The following GLIPR1 variants were observed in gnomAD, a reference collection of about 807,000 sequenced individuals.
GLIPR1 encodes GLI pathogenesis related 1.
A neutral mutation model predicts 30.3 loss-of-function variants in GLIPR1; 38 were observed. The observed-to-expected ratio is 1.26, with a 90% CI of 0.97 to 1.65. The LOEUF is 1.65. GLIPR1 is among the 40% of genes most tolerant of loss of function. The pLI is 0.00. For missense variants in GLIPR1, 285 were observed against 326.5 expected, an observed-to-expected ratio of 0.87 and a Z score of 0.98; for synonymous variants, 122 against 110.6, an observed-to-expected ratio of 1.10 and a Z score of -0.65.
At chr12:75,495,922 T>G in intron 4 of GLIPR1, 1 of 270,164 alleles carries the variant, frequency 3.7e-6, no homozygotes, top group Middle Eastern at 1.2e-3. Context: ...AGACTAAGAT[T>G]CCTAAGATTT....
intron 3 of GLIPR1, chr12:75,494,899 A>T (rs1260530534): frequency 6.6e-6 from 1 of 152,208 alleles, no homozygotes; most frequent in Non-Finnish European, 1.5e-5. Context: ...GACAACAGTA[A>T]CTTCCTCATA....
rs916934598 is a variant in GLIPR1 at position 75,500,768 on chromosome 12, C to T, written c.*1790C>T. 7 of 152,092 alleles carry T rather than the reference C, an allele frequency of 4.6e-5. No homozygotes were observed. Among genetic ancestry groups the T allele is most frequent in the African/African-American group, 1.7e-4 (7 of 41,530 alleles). The allele number at this position is 152,092 out of a possible 1,614,324, so 9.4% of individuals were successfully genotyped here. A position where few individuals can be genotyped will look rare whatever the true frequency, so the allele number is the denominator to read the frequency against. The stretch of plus-strand genomic sequence containing the variant: ...ATAAAAGAATCATAAGATAAAACAT[C>T]AAACTACCCAGCAACCTGAGAAGCA... On this transcript the variant is annotated 3_prime_UTR_variant, in exon 6 of 6. Transcript: ENST00000266659.
Position 75,503,668 on chromosome 12 carries a change from G to T in GLIPR1, c.*4690G>T. ...ATGGAACATTTACAGTGGCTACAGG[G>T]TCACAAACCTCCTGGATGCAGTTTA... On this transcript the variant is annotated 3_prime_UTR_variant, in exon 6 of 6. Coordinates refer to ENST00000266659, the MANE Select transcript of GLIPR1 (RefSeq NM_006851.3). 2.9e-6 allele frequency: 1 copy of T among 340,080 alleles called. No homozygotes were observed. The allele number at this position is 340,080 out of a possible 1,614,324, so 21.1% of individuals were successfully genotyped here.
At chr12:75,482,224 A>G (rs926705930) in intron 2 of GLIPR1, 145 bp downstream of exon 2, 1 of 735,664 alleles carries the variant, frequency 1.4e-6, no homozygotes, top group African/African-American at 1.8e-5. Flanking sequence ...AGAACAGAAA[A>G]TAATGCTTGA....
At chr12:75,481,722 G>C (rs1398822498) in intron 1 of GLIPR1, 112 bp from the exon 2 acceptor site, 1 of 884,600 alleles carries the variant, frequency 1.1e-6, no homozygotes, top group African/African-American at 1.7e-5. Flanking sequence ...GGACTCATAT[G>C]CAGTGGTATC....
Position 75,499,638 on chromosome 12 carries a change from A to AAAAAATACAATAAT in GLIPR1, c.*663_*676dup, listed in dbSNP as rs1223158864. On this transcript the variant is annotated 3_prime_UTR_variant, in exon 6 of 6. Transcript: ENST00000266659. Reference sequence around the variant, plus strand: ...TACCACTTTCTCGTATAAATTTTTCAAAAAATACAATAATAATATAATTTA... The same window carrying AAAAAATACAATAAT: ...TACCACTTTCTCGTATAAATTTTTCAAAAAATACAATAATAAAAATACAATAATAATATAATTTA... 3 of 366,096 alleles carry AAAAAATACAATAAT rather than the reference A, an allele frequency of 8.2e-6. No individual in the cohort carries two copies. Among genetic ancestry groups the AAAAAATACAATAAT allele is most frequent in the Non-Finnish European group, 4.7e-6 (1 of 211,932 alleles). 22.7% of individuals were successfully genotyped at this position (366,096 alleles called of 1,614,324 possible). A position where few individuals can be genotyped will look rare whatever the true frequency, so the allele number is the denominator to read the frequency against.
intron 3 of GLIPR1, chr12:75,490,760 C>A: frequency 2.7e-6 from 1 of 363,734 alleles, no homozygotes; most frequent in Non-Finnish European, 5.0e-6. Context: ...TTTATATATA[C>A]TACCTAAATA....
rs1594065285 is a variant in GLIPR1 at position 75,500,098 on chromosome 12, AAAATATAAAAACACTTG to A, written c.*1121_*1137del. On this transcript the variant is annotated 3_prime_UTR_variant, in exon 6 of 6. Transcript: ENST00000266659. ...AATAATTGAAAGGTGATCACAGTATAAAATATAAAAACACTTGCCTAAAGCAGTTAGAAATTTCTTCA... is the reference window on the plus strand; with the variant it reads ...AATAATTGAAAGGTGATCACAGTATACCTAAAGCAGTTAGAAATTTCTTCA... 6 of 559,276 alleles carry A rather than the reference AAAATATAAAAACACTTG, an allele frequency of 1.1e-5. No individual in the cohort carries two copies. The highest frequency in any genetic ancestry group is 1.0e-4 in the East Asian group (3 of 28,876). The allele number at this position is 559,276 out of a possible 1,614,324, so 34.6% of individuals were successfully genotyped here.
intron 2 of GLIPR1, chr12:75,487,637 C>G (rs2046299735): frequency 2.6e-6 from 1 of 377,764 alleles, no homozygotes; most frequent in Non-Finnish European, 5.3e-6. Flanking sequence ...TGCCCATCAT[C>G]TCCCTAGTCA....
chr12:75,495,997 G>GTTTTTTTTTTTTTTTTTTTTTT (rs370713345), intron 4 of GLIPR1: 2 of 132,126 alleles, frequency 1.5e-5, no homozygotes, highest in Non-Finnish European at 3.1e-5. Context: ...TTCTGTTTTC[G>GTTTTTTTTTTTTTTTTTTTTTT]TTTTTTTTTT....
chr12:75,484,244 A>C (rs1286477373), intron 2 of GLIPR1: 1 of 152,200 alleles, frequency 6.6e-6, no homozygotes, highest in Non-Finnish European at 1.5e-5. Context: ...CATCACGGGG[A>C]GAATGTCCAA....
chr12:75,488,894 TAA>T (rs917164246), intron 2 of GLIPR1, among the ~76,000 whole-genome samples: 1 of 152,222 alleles, frequency 6.6e-6, no homozygotes, highest in African/African-American at 2.4e-5. Context: ...GCTTTTTTTC[TAA>T]GTTTTGTGAA....
At position 75,481,938 on chromosome 12, in the gene GLIPR1, C is replaced by T. The variant is rs1354429916; in HGVS notation, c.279C>T (p.Phe93=). ...CACCCCACAAGCTGCACCCAAACTT[C>T]ACTTCACTGGGAGAGAACATCTGGA... is the stretch of plus-strand genomic sequence containing the variant. ...LKPPHKLHPN[F]TSLGENIWTG... is the part of the protein sequence containing the mutation. The change falls in exon 2 of 6, where the codon TTC becomes TTT. Residue 93 remains phenylalanine, a synonymous_variant. Coordinates refer to ENST00000266659, the MANE Select transcript of GLIPR1 (RefSeq NM_006851.3). 2 of 1,614,076 alleles carry T rather than the reference C, an allele frequency of 1.2e-6. No individual in the cohort carries two copies. The highest frequency in any genetic ancestry group is 1.7e-6 in the Non-Finnish European group (2 of 1,180,030).
chr12:75,498,641 T>TCAA, intron 4 of GLIPR1, 53 bp from the exon 5 acceptor site: 1 of 1,437,846 alleles, frequency 7.0e-7, no homozygotes, highest in Non-Finnish European at 9.8e-7. Context: ...AATAAAACTC[T>TCAA]CAACTGTGTC....
intron 2 of GLIPR1, 41 bp from the exon 3 acceptor site, chr12:75,490,365 C>A (rs775840498): frequency 1.8e-6 from 2 of 1,104,228 alleles, no homozygotes; most frequent in South Asian, 1.3e-5. Flanking sequence ...CAATGTTTAT[C>A]TTATGGTTTT....
chr12:75,480,964 C>A lies in GLIPR1; in HGVS notation c.84C>A (p.Ile28=), dbSNP rs775097349. ...ACACAGCAAATATTTTGCCAGATAT[C>A]GAAAATGAAGATTTCATCAAAGACT... ...YSHTANILPD[I]ENEDFIKDCV... The change falls in exon 1 of 6, where the codon ATC becomes ATA. Residue 28 remains isoleucine (I), a synonymous_variant. Coordinates refer to ENST00000266659, the MANE Select transcript of GLIPR1 (RefSeq NM_006851.3). 3.1e-6 allele frequency: 5 copies of A among 1,613,506 alleles called. No homozygotes were observed. The highest frequency in any genetic ancestry group is 4.2e-6 in the Non-Finnish European group (5 of 1,179,552).
intron 1 of GLIPR1, 21 bp from the exon 2 acceptor site, chr12:75,481,813 G>A: frequency 1.2e-6 from 2 of 1,612,274 alleles, no homozygotes; most frequent in Non-Finnish European, 1.7e-6. Context: ...ACCCCCTATT[G>A]TTTAATGTTT....
rs929495777 is a variant in GLIPR1, at chr12:75,498,955, C to T, written c.778C>T (p.Pro260Ser). The change falls in exon 6 of 6, where the codon CCT (proline) becomes TCT (serine). Residue 260 changes from proline to serine, a missense_variant. Physicochemically the swap from Pro to Ser is moderately conservative, Grantham distance 74. Coordinates refer to ENST00000266659, the MANE Select transcript of GLIPR1 (RefSeq NM_006851.3). The stretch of plus-strand genomic sequence containing the variant: ...TACCATTTTGGTACAGCACAAGTAC[C>T]CTAATTTAGTTCTTTTGGACTAATA... ...IITILVQHKY[P>S]NLVLLD 5 of 1,599,550 alleles carry T rather than the reference C, an allele frequency of 3.1e-6. No homozygotes were observed. Among genetic ancestry groups the T allele is most frequent in the African/African-American group, 2.7e-5 (2 of 74,006 alleles).
rs1307364042 is a variant in GLIPR1 at position 75,493,573 on chromosome 12, G to A, written c.534-2004G>A. The A allele has an allele frequency of 2.0e-5, 3 of 152,160 alleles. No individual in the cohort carries two copies. The East Asian group carries it at 5.8e-4, about 29-fold the overall frequency. 9.4% of individuals were successfully genotyped at this position (152,160 alleles called of 1,614,324 possible). A position where few individuals can be genotyped will look rare whatever the true frequency, so the allele number is the denominator to read the frequency against. On this transcript the variant is annotated intron_variant, in intron 3 of 5. Transcript: ENST00000266659. ...AGGAAATAACTTTGACCACAAGATA[G>A]TCAAGATAGTACCAGTGTGCTTAGG...
Sources: gnomAD v4.1 joint callset for allele counts (sites outside exome capture counted in the v4.1 genomes callset) on GRCh38, gnomAD v4.1.1 for gene constraint, MANE v1.5 for transcripts, NCBI Gene and HGNC (gene_info 2026-07-23, HGNC 2026-07-21) for gene names.